TACR3: variants seen among roughly 807,000 people sequenced by gnomAD.
TACR3 encodes tachykinin receptor 3.
Under a neutral mutation model 35.0 loss-of-function variants are expected in TACR3, and 34 were observed. The ratio of observed to expected loss-of-function variants is 0.97; its 90% CI spans 0.74 to 1.30. The LOEUF (loss-of-function observed/expected upper bound fraction) is 1.30, where lower values mean the gene tolerates loss of function less well. Among genes scored for constraint, TACR3 ranks in the 50% most tolerant of loss-of-function variants. The pLI is 0.00. For synonymous variants in TACR3, 233 were observed against 221.1 expected (o/e 1.05, Z -0.48); for missense variants, 558 against 591.7 (o/e 0.94, Z 0.59).
intron 1 of TACR3, among the ~76,000 whole-genome samples, chr4:103,698,350 T>G (rs1253930492): frequency 2.6e-5 from 4 of 152,124 alleles, no homozygotes; most frequent in African/African-American, 9.7e-5. Context: ...ATTTCATAAG[T>G]GCCTAGCATC....
At chr4:103,689,920 A>C (rs560385571) in intron 1 of TACR3, among the ~76,000 whole-genome samples, 1 of 152,288 alleles carries the variant, frequency 6.6e-6, no homozygotes, top group Admixed American at 6.5e-5. Flanking sequence ...AGTGAAAGAA[A>C]AAGTAAACAA....
chr4:103,682,896 A>G (rs1302007609), intron 1 of TACR3, among the ~76,000 whole-genome samples: 2 of 152,170 alleles, frequency 1.3e-5, no homozygotes, highest in African/African-American at 2.4e-5. Context: ...GCCAGCAACG[A>G]AGAAAGAGAA....
At chr4:103,659,238 G>T (rs906999402) in intron 1 of TACR3, among the ~76,000 whole-genome samples, 131 of 152,176 alleles carry the variant, frequency 8.6e-4, no homozygotes, top group African/African-American at 3.1e-3. Context: ...CAGGGAACTG[G>T]GTACCTCCGA....
At position 103,600,629 on chromosome 4, in the gene TACR3, G is replaced by A. The variant is rs1350011450; in HGVS notation, c.889-8946C>T. Among the ~76,000 whole-genome samples, 9 of 152,120 alleles carry A rather than the reference G, an allele frequency of 5.9e-5. No individual in the cohort carries two copies. The East Asian group carries it at 1.7e-3, about 29-fold the overall frequency. On this transcript the variant is annotated intron_variant, in intron 3 of 4. Transcript: ENST00000304883. ...TAAATTTCCCTCTGCACACTGCTTT[G>A]AATGTGTCCCAGAGATTCTGGTATA...
At chr4:103,639,650 C>T (rs1725302228) in intron 3 of TACR3, among the ~76,000 whole-genome samples, 1 of 151,670 alleles carries the variant, frequency 6.6e-6, no homozygotes, top group Admixed American at 6.6e-5. Flanking sequence ...TAAAGAAATA[C>T]TTTTATTTAT....
chr4:103,689,866 A>G (rs1434423433), intron 1 of TACR3, among the ~76,000 whole-genome samples: 1 of 152,194 alleles, frequency 6.6e-6, no homozygotes, highest in Non-Finnish European at 1.5e-5. Context: ...ATTATGATAA[A>G]TGCAAAGATC....
intron 1 of TACR3, among the ~76,000 whole-genome samples, chr4:103,683,470 C>CAAAAAAAAAAAAAAAAAAAAAAAAAAAAA (rs57761679): frequency 9.5e-5 from 2 of 21,142 alleles, no homozygotes; most frequent in African/African-American, 3.4e-4. Context: ...AAAGACTGAC[C>CAAAAAAAAAAAAAAAAAAAAAAAAAAAAA]AAAAAAAAAA....
At chr4:103,706,787 A>C (rs1049650646) in intron 1 of TACR3, among the ~76,000 whole-genome samples, 6 of 152,180 alleles carry the variant, frequency 3.9e-5, no homozygotes, top group African/African-American at 1.4e-4. Context: ...AAATATGTTT[A>C]AGTATAAGAC....
rs765992914 is a variant in TACR3, at chr4:103,658,403, C to A, written c.549G>T (p.Arg183Ser). 1 of 1,612,738 alleles carries A rather than the reference C, an allele frequency of 6.2e-7. No homozygotes were observed. The highest frequency in any genetic ancestry group is 1.3e-5 in the African/African-American group (1 of 74,946). Residue 183 changes from arginine to serine, a missense_variant and splice_region_variant, in exon 2 of 5, where the codon AGG becomes AGT. Physicochemically the swap from Arg to Ser is moderately radical, Grantham distance 110 (BLOSUM62 -1). Coordinates refer to ENST00000304883, the MANE Select transcript of TACR3 (RefSeq NM_001059.3). ...TCAAGGGATCAATAATAGCCATATA[C>A]CTATATAAAAACAAACAAAACCATT... ...IYSMTAIAVD[R>S]YMAIIDPLKP...
intron 3 of TACR3, among the ~76,000 whole-genome samples, chr4:103,595,713 T>A (rs1248107456): frequency 7.0e-6 from 1 of 142,192 alleles, no homozygotes; most frequent in Non-Finnish European, 1.5e-5. Flanking sequence ...GGTCATATTC[T>A]TTTTTTTTTA....
At chr4:103,640,018 T>C (rs1046369658) in intron 3 of TACR3, among the ~76,000 whole-genome samples, 28 of 151,976 alleles carry the variant, frequency 1.8e-4, no homozygotes, top group Non-Finnish European at 3.7e-4. Flanking sequence ...TAAGTGAAGA[T>C]TGGATTTGCA....
At chr4:103,634,602 C>A (rs184572070) in intron 3 of TACR3, among the ~76,000 whole-genome samples, 31 of 152,216 alleles carry the variant, frequency 2.0e-4, no homozygotes, top group Middle Eastern at 3.4e-3. Context: ...TAAAGTACCT[C>A]TTGCTGCATA....
chr4:103,719,007 T>G (rs867917790), intron 1 of TACR3, 121 bp downstream of exon 1: 1 of 1,412,486 alleles, frequency 7.1e-7, no homozygotes, highest in East Asian at 2.5e-5. Context: ...TCAGCAAAAA[T>G]TCTTAGTCTC....
intron 3 of TACR3, among the ~76,000 whole-genome samples, chr4:103,617,947 T>C (rs1166576333): frequency 6.6e-6 from 1 of 152,136 alleles, no homozygotes; most frequent in Non-Finnish European, 1.5e-5. Context: ...TCACCAGATG[T>C]CATGATGCTT....
rs2110280092 is a variant in TACR3, at chr4:103,586,105, A to C, written c.*3577T>G. On this transcript the variant is annotated 3_prime_UTR_variant, in exon 5 of 5. Transcript: ENST00000304883. ...AAATCTGTCACATTATCACATATGCAAAGGGTGTAAATACATTAAACATAT... is the reference window on the plus strand; with the variant it reads ...AAATCTGTCACATTATCACATATGCCAAGGGTGTAAATACATTAAACATAT... The C allele has an allele frequency of 6.6e-6, 1 of 152,204 alleles. No homozygotes were observed. Among genetic ancestry groups the C allele is most frequent in the Non-Finnish European group, 1.5e-5 (1 of 68,000 alleles). The allele number at this position is 152,204 out of a possible 1,614,324, so 9.4% of individuals were successfully genotyped here. A position where few individuals can be genotyped will look rare whatever the true frequency, so the allele number is the denominator to read the frequency against.
chr4:103,645,012 GT>G (rs1355778606), intron 3 of TACR3, among the ~76,000 whole-genome samples: 1 of 151,688 alleles, frequency 6.6e-6, no homozygotes, highest in Non-Finnish European at 1.5e-5. Flanking sequence ...TAATTTCAAG[GT>G]TTTTTTAAAT....
chr4:103,637,249 T>C (rs183790855), intron 3 of TACR3, among the ~76,000 whole-genome samples: 3 of 152,280 alleles, frequency 2.0e-5, no homozygotes, highest in Admixed American at 2.0e-4. Flanking sequence ...CATGATCAAG[T>C]GGGCTTCATC....
At chr4:103,691,963 T>C (rs1395941414) in intron 1 of TACR3, among the ~76,000 whole-genome samples, 1 of 152,178 alleles carries the variant, frequency 6.6e-6, no homozygotes, top group Admixed American at 6.6e-5. Flanking sequence ...TTTGGGGCTC[T>C]CAGCTCTGAA....
chr4:103,656,332 G>T lies in TACR3; in HGVS notation c.750C>A (p.Ile250=). 6.2e-7 allele frequency: 1 copy of T among 1,612,242 alleles called. No individual in the cohort carries two copies. The highest frequency in any genetic ancestry group is 1.1e-5 in the South Asian group (1 of 91,030). ...GPKQHFTYHI[I]VIILVYCFPL... ...GGAAACAGTACACCAGTATAATGAC[G>T]ATAATATGGTAACTATGAAAAATAA... Residue 250 remains isoleucine (I), a synonymous_variant, in exon 3 of 5, where the codon ATC becomes ATA. Transcript: ENST00000304883.
Sources: allele counts gnomAD v4.1 joint callset (sites outside exome capture counted in the v4.1 genomes callset), GRCh38; gene constraint gnomAD v4.1.1; transcripts MANE v1.5; gene names NCBI Gene and HGNC (gene_info 2026-07-23, HGNC 2026-07-21).